Variants in CACNA2D1 observed in about 807,000 individuals in gnomAD.
CACNA2D1 encodes calcium voltage-gated channel auxiliary subunit alpha2delta 1, also known as voltage-dependent calcium channel subunit alpha-2/delta-1.
A neutral mutation model predicts 171.5 loss-of-function variants in CACNA2D1; 53 were observed. That is an observed-to-expected ratio of 0.31 (90% CI 0.25 to 0.39). CACNA2D1 has a LOEUF of 0.39. CACNA2D1 is among the 10% of genes least tolerant of loss of function. CACNA2D1 has a pLI of 1.00. For missense variants in CACNA2D1, 903 were observed against 1,299.8 expected, an observed-to-expected ratio of 0.69 and a Z score of 4.69; for synonymous variants, 442 against 443.1, an observed-to-expected ratio of 1.00 and a Z score of 0.03.
intron 10 of CACNA2D1, among the ~76,000 whole-genome samples, chr7:82,040,097 G>A (rs1803757227): frequency 6.6e-6 from 1 of 152,200 alleles, no homozygotes; most frequent in African/African-American, 2.4e-5. Context: ...AGGCTTTGCA[G>A]TAACCTAGCT....
chr7:82,257,886 T>C (rs1255651806), intron 3 of CACNA2D1, among the ~76,000 whole-genome samples: 1 of 152,180 alleles, frequency 6.6e-6, no homozygotes, highest in African/African-American at 2.4e-5. Context: ...ATTTATCTTA[T>C]AAAGATGGAG....
At chr7:82,231,966 T>C in intron 3 of CACNA2D1, among the ~76,000 whole-genome samples, 1 of 152,274 alleles carries the variant, frequency 6.6e-6, no homozygotes, top group East Asian at 1.9e-4. Flanking sequence ...TTAAATTATG[T>C]AATACCCTAC....
intron 18 of CACNA2D1, among the ~76,000 whole-genome samples, chr7:81,999,801 G>T (rs1450500760): frequency 6.6e-6 from 1 of 152,038 alleles, no homozygotes; most frequent in Non-Finnish European, 1.5e-5. Flanking sequence ...ATCAAGAAAG[G>T]CATAAACATA....
In CACNA2D1 at chr7:82,337,682, G is replaced by A. The variant is rs182589075; in HGVS notation, c.178-2431C>T. On this transcript the variant is annotated intron_variant, in intron 2 of 38. Transcript: ENST00000356860. ...TAATACGAGTTTTTGGCACCAGACAGAGTTACATTTCAATCCTGTCAACTC... is the reference window on the plus strand; with the variant it reads ...TAATACGAGTTTTTGGCACCAGACAAAGTTACATTTCAATCCTGTCAACTC... Among the ~76,000 whole-genome samples, 121 of 152,258 alleles carry A rather than the reference G, an allele frequency of 7.9e-4. 2 individuals are homozygous for A. Among genetic ancestry groups the A allele is most frequent in the Non-Finnish European group, 1.0e-3 (70 of 68,024 alleles).
At chr7:81,986,476 T>C (rs1395896740) in intron 21 of CACNA2D1, among the ~76,000 whole-genome samples, 1 of 152,122 alleles carries the variant, frequency 6.6e-6, no homozygotes, top group African/African-American at 2.4e-5. Flanking sequence ...AACATCATTA[T>C]ATATTTTTAT....
intron 21 of CACNA2D1, among the ~76,000 whole-genome samples, chr7:81,988,226 C>T (rs573862702): frequency 6.6e-6 from 1 of 152,186 alleles, no homozygotes; most frequent in East Asian, 1.9e-4. Flanking sequence ...AAGAGACAGA[C>T]CTTCAAGATT....
intron 3 of CACNA2D1, among the ~76,000 whole-genome samples, chr7:82,242,261 T>C (rs1385959859): frequency 6.9e-6 from 1 of 144,442 alleles, no homozygotes; most frequent in East Asian, 2.0e-4. Context: ...GTACAATACA[T>C]CATACTAAAA....
intron 3 of CACNA2D1, among the ~76,000 whole-genome samples, chr7:82,225,247 T>C (rs959589409): frequency 2.0e-5 from 3 of 152,152 alleles, no homozygotes; most frequent in African/African-American, 7.2e-5. Context: ...AAGAGAGAAA[T>C]TGATAGAGTA....
chr7:82,425,104 T>C (rs1829057438), intron 1 of CACNA2D1, among the ~76,000 whole-genome samples: 1 of 152,192 alleles, frequency 6.6e-6, no homozygotes, highest in Admixed American at 6.5e-5. Flanking sequence ...GCAGATGGAA[T>C]TCCGATCTCA....
chr7:82,180,941 G>A (rs1797061100), intron 3 of CACNA2D1, among the ~76,000 whole-genome samples: 1 of 149,616 alleles, frequency 6.7e-6, no homozygotes, highest in Non-Finnish European at 1.5e-5. Flanking sequence ...GTTGCAGATT[G>A]GCTAGTTTGA....
At chr7:82,242,609 G>A (rs1332951656) in intron 3 of CACNA2D1, among the ~76,000 whole-genome samples, 1 of 152,092 alleles carries the variant, frequency 6.6e-6, no homozygotes, top group African/African-American at 2.4e-5. Flanking sequence ...TTTTATAGCA[G>A]TAATCACTGA....
intron 4 of CACNA2D1, among the ~76,000 whole-genome samples, chr7:82,145,117 A>AC (rs1281661821): frequency 6.6e-6 from 1 of 151,112 alleles, no homozygotes; most frequent in East Asian, 1.9e-4. Flanking sequence ...AAGACTAGCA[A>AC]CAGTTAAACT....
intron 5 of CACNA2D1, among the ~76,000 whole-genome samples, chr7:82,126,331 T>A (rs911889511): frequency 6.6e-6 from 1 of 152,188 alleles, no homozygotes; most frequent in Non-Finnish European, 1.5e-5. Flanking sequence ...GAGTTTCATG[T>A]AGAAGTATTT....
chr7:82,416,503 T>C (rs1232834558), intron 1 of CACNA2D1, among the ~76,000 whole-genome samples: 2 of 152,152 alleles, frequency 1.3e-5, no homozygotes, highest in African/African-American at 2.4e-5. Context: ...GGCAGGGTCA[T>C]ACTCCCTCTG....
At chr7:82,007,860 AT>A in intron 15 of CACNA2D1, 104 bp from the exon 16 acceptor site, 1 of 704,130 alleles carries the variant, frequency 1.4e-6, no homozygotes, top group Non-Finnish European at 2.6e-6. Flanking sequence ...TAGTTACTTT[AT>A]AAAGAGCCAC....
intron 11 of CACNA2D1, among the ~76,000 whole-genome samples, chr7:82,036,426 A>T (rs1803294641): frequency 6.6e-6 from 1 of 152,124 alleles, no homozygotes; most frequent in African/African-American, 2.4e-5. Flanking sequence ...ATTTGTCTAA[A>T]ATATGCTCCT....
At chr7:82,070,365 C>T (rs1808179662) in intron 7 of CACNA2D1, among the ~76,000 whole-genome samples, 1 of 152,192 alleles carries the variant, frequency 6.6e-6, no homozygotes, top group East Asian at 1.9e-4. Flanking sequence ...CCCATGGTGG[C>T]ACAAATGCCT....
At chr7:82,350,533 C>A (rs890745681) in intron 1 of CACNA2D1, among the ~76,000 whole-genome samples, 3 of 152,024 alleles carry the variant, frequency 2.0e-5, no homozygotes, top group Admixed American at 2.0e-4. Flanking sequence ...GGCTTGGTGG[C>A]GGACGCCTGT....
chr7:82,403,824 C>A (rs375033531), intron 1 of CACNA2D1, among the ~76,000 whole-genome samples: 1 of 152,120 alleles, frequency 6.6e-6, no homozygotes, highest in Non-Finnish European at 1.5e-5. Context: ...TGTTCCACTA[C>A]GTAGCAGGAT....
Sources: gnomAD v4.1 joint callset for allele counts (sites outside exome capture counted in the v4.1 genomes callset) on GRCh38, gnomAD v4.1.1 for gene constraint, MANE v1.5 for transcripts, NCBI Gene and HGNC (gene_info 2026-07-23, HGNC 2026-07-21) for gene names.